Variants in PDE1C observed in about 807,000 individuals in gnomAD.
PDE1C encodes the protein phosphodiesterase 1C.
In PDE1C, 62 loss-of-function variants were observed where a neutral mutation model predicts 93.1. The ratio of observed to expected loss-of-function variants is 0.67; its 90% CI spans 0.54 to 0.82. The LOEUF (loss-of-function observed/expected upper bound fraction) is 0.82. Ranked by LOEUF, PDE1C falls within the 40% of genes least tolerant of loss-of-function variation. PDE1C has a pLI of 0.00. For synonymous variants in PDE1C, 325 were observed against 310.1 expected, an observed-to-expected ratio of 1.05 and a Z score of -0.50; for missense variants, 742 against 884.6, an observed-to-expected ratio of 0.84 and a Z score of 2.04.
intron 16 of PDE1C, among the ~76,000 whole-genome samples, chr7:31,803,380 A>G (rs931188828): frequency 6.6e-6 from 1 of 150,708 alleles, no homozygotes; most frequent in Non-Finnish European, 1.5e-5. Context: ...ATTGGTTTCA[A>G]TTGGTTGGGC....
Position 31,758,954 on chromosome 7 carries a change from C to T in PDE1C, c.1961-5401G>A, listed in dbSNP as rs1334652894. ...ACTCAGCCAAAGTATTACTGAATTT[C>T]CCACTTCTCAGCATGAAGAAACATT... On this transcript the variant is annotated intron_variant, in intron 17 of 17. Coordinates refer to ENST00000396191, the MANE Select transcript of PDE1C (RefSeq NM_001191057.4). Among the ~76,000 whole-genome samples the T allele has an allele frequency of 8.5e-5, 13 of 152,252 alleles. No individual in the cohort carries two copies. In the East Asian group the frequency reaches 2.5e-3, roughly 29 times the overall value.
At chr7:32,031,315 T>C (rs1405483861) in intron 2 of PDE1C, among the ~76,000 whole-genome samples, 2 of 152,194 alleles carry the variant, frequency 1.3e-5, no homozygotes, top group African/African-American at 4.8e-5. Context: ...AATTTTACTA[T>C]ACACTGATTC....
intron 2 of PDE1C, among the ~76,000 whole-genome samples, chr7:31,892,442 A>G (rs1314160312): frequency 6.6e-6 from 1 of 152,214 alleles, no homozygotes; most frequent in Non-Finnish European, 1.5e-5. Flanking sequence ...ACTTTACTAA[A>G]GGCTCACTAA....
upstream of PDE1C, among the ~76,000 whole-genome samples, chr7:32,075,801 C>A (rs763606733): frequency 6.6e-6 from 1 of 152,160 alleles, no homozygotes; most frequent in Admixed American, 6.5e-5. Flanking sequence ...TTCTGCGCCT[C>A]TCTCTGCCAG....
intron 2 of PDE1C, among the ~76,000 whole-genome samples, chr7:31,971,852 T>A (rs1355262472): frequency 2.6e-5 from 4 of 152,194 alleles, no homozygotes; most frequent in African/African-American, 9.6e-5. Context: ...CATAGCTCCT[T>A]TACCCACTGG....
chr7:32,024,893 C>T (rs1584496730), intron 2 of PDE1C, among the ~76,000 whole-genome samples: 1 of 152,270 alleles, frequency 6.6e-6, no homozygotes, highest in East Asian at 1.9e-4. Context: ...TACCTTTCCT[C>T]ATTTTAGGGA....
At chr7:32,100,342 C>T (rs1224896727) in intron 3 of PDE1C, among the ~76,000 whole-genome samples, 5 of 152,176 alleles carry the variant, frequency 3.3e-5, no homozygotes, top group Admixed American at 3.3e-4. Flanking sequence ...CTAGTTGTCC[C>T]CATTAGTCAT....
At chr7:31,700,664 G>T in the PDE1C span, among the ~76,000 whole-genome samples, 2 of 152,140 alleles carry the variant, frequency 1.3e-5, no homozygotes, top group Admixed American at 1.3e-4. Context: ...AGATGTCAAT[G>T]CCTGGCTTCA....
rs550406701 is a variant in PDE1C, at chr7:31,765,769, C to G, written c.1960+9895G>C. The stretch of plus-strand genomic sequence containing the variant: ...AGATAGTGCAGGATCCCTCCCACAC[C>G]CCAACAATGTGCTTGATATTGGTAC... On this transcript the variant is annotated intron_variant, in intron 17 of 17. Coordinates refer to ENST00000396191, the MANE Select transcript of PDE1C (RefSeq NM_001191057.4). 5.7e-4 allele frequency among the ~76,000 whole-genome samples: 87 copies of G among 152,272 alleles called. 1 individual carries two copies. Among genetic ancestry groups the G allele is most frequent in the African/African-American group, 2.0e-3 (82 of 41,556 alleles).
chr7:31,982,801 A>C (rs1219001331), intron 2 of PDE1C, among the ~76,000 whole-genome samples: 1 of 152,196 alleles, frequency 6.6e-6, no homozygotes, highest in Non-Finnish European at 1.5e-5. Context: ...GGAAATAAAA[A>C]AGTAAAATAG....
At chr7:31,666,015 C>T in the PDE1C span, among the ~76,000 whole-genome samples, 19 of 152,222 alleles carry the variant, frequency 1.2e-4, no homozygotes, top group Non-Finnish European at 2.4e-4. Context: ...CTGGGTACCC[C>T]GTTTTTGTTG....
At chr7:31,879,663 C>T (rs769042980) in intron 3 of PDE1C, among the ~76,000 whole-genome samples, 1 of 152,172 alleles carries the variant, frequency 6.6e-6, no homozygotes, top group Non-Finnish European at 1.5e-5. Context: ...CAGGTTGCTA[C>T]CAAAATTTAA....
At chr7:31,794,030 A>G (rs1784908529) in intron 16 of PDE1C, among the ~76,000 whole-genome samples, 1 of 121,402 alleles carries the variant, frequency 8.2e-6, no homozygotes, top group South Asian at 3.3e-4. Context: ...ATAGATAGAT[A>G]GATAGATAGA....
At chr7:31,818,340 G>C (rs578002654) in intron 14 of PDE1C, among the ~76,000 whole-genome samples, 8 of 152,250 alleles carry the variant, frequency 5.3e-5, no homozygotes, top group African/African-American at 1.9e-4. Context: ...GACCACAAAA[G>C]GTTCCCTGGA....
chr7:32,155,694 C>T (rs6979283), intron 3 of PDE1C, among the ~76,000 whole-genome samples: 51 of 152,326 alleles, frequency 3.3e-4, no homozygotes, highest in African/African-American at 1.1e-3. Flanking sequence ...CCATGCTCAC[C>T]GCATGCATGC....
intron 2 of PDE1C, among the ~76,000 whole-genome samples, chr7:31,976,466 T>C (rs896140571): frequency 6.6e-6 from 1 of 152,182 alleles, no homozygotes; most frequent in Non-Finnish European, 1.5e-5. Flanking sequence ...GAATGACTAG[T>C]TCCAAAACAA....
At position 31,843,572 on chromosome 7, in the gene PDE1C, T is replaced by C. The variant is rs532758413; in HGVS notation, c.980+4396A>G. Among the ~76,000 whole-genome samples the C allele has an allele frequency of 5.7e-4, 87 of 151,970 alleles. No homozygotes were observed. In the Middle Eastern group the frequency reaches 0.01, roughly 18 times the overall value. ...CTTTTACTTTGAACCTTTTTGTGTA[T>C]TTATATTTAAAGTGTATCTCTTGTA... On this transcript the variant is annotated intron_variant, in intron 9 of 17. Coordinates refer to ENST00000396191, the MANE Select transcript of PDE1C (RefSeq NM_001191057.4).
intron 15 of PDE1C, among the ~76,000 whole-genome samples, chr7:31,813,264 C>T (rs895141944): frequency 3.9e-5 from 6 of 152,050 alleles, no homozygotes; most frequent in African/African-American, 1.2e-4. Flanking sequence ...ATGCACAGCC[C>T]GGCCCAGCCA....
chr7:32,266,526 C>CGATTA (rs1327260840), intron 1 of PDE1C, among the ~76,000 whole-genome samples: 2 of 152,056 alleles, frequency 1.3e-5, no homozygotes, highest in Non-Finnish European at 2.9e-5. Context: ...TTTCCTTCGG[C>CGATTA]GATTACATGC....
Sources: allele counts gnomAD v4.1 joint callset (sites outside exome capture counted in the v4.1 genomes callset), GRCh38; gene constraint gnomAD v4.1.1; transcripts MANE v1.5; gene names NCBI Gene and HGNC (gene_info 2026-07-23, HGNC 2026-07-21).